Variants in BRWD3 observed in about 807,000 individuals in gnomAD.
The protein encoded by BRWD3 is bromodomain and WD repeat-containing protein 3.
Under a neutral mutation model 149.7 loss-of-function variants are expected in BRWD3, and 10 were observed. That is an observed-to-expected ratio of 0.07 (90% CI 0.04 to 0.11). The LOEUF (loss-of-function observed/expected upper bound fraction) is 0.11, where lower values mean the gene tolerates loss of function less well. BRWD3 is among the 10% of genes least tolerant of loss of function. The pLI, the probability that BRWD3 is intolerant of heterozygous loss-of-function variation, is 1.00. For missense variants in BRWD3, 940 were observed against 1,373.2 expected (o/e 0.68, Z 4.99); for synonymous variants, 504 against 456.7 (o/e 1.10, Z -1.32).
At chrX:80,806,992 G>C (rs2074354369) in intron 4 of BRWD3, among the ~76,000 whole-genome samples, 1 of 111,708 alleles carries the variant, frequency 9.0e-6, no homozygotes, top group Admixed American at 9.5e-5. Context: ...TTTGCCACTT[G>C]CTTAAAATAA....
At chrX:80,782,920 T>A (rs1256296174) in intron 6 of BRWD3, among the ~76,000 whole-genome samples, 1 of 106,218 alleles carries the variant, frequency 9.4e-6, no homozygotes, top group East Asian at 2.9e-4. Context: ...TAAATAAAAA[T>A]AACCAGAATG....
Position 80,712,799 on chromosome X carries a change from C to T in BRWD3, c.2326-3222G>A, listed in dbSNP as rs1426857523. 2.1e-3 allele frequency among the ~76,000 whole-genome samples: 223 copies of T among 108,203 alleles called. 3 individuals carry two copies. Among genetic ancestry groups the T allele is most frequent in the African/African-American group, 6.7e-3 (197 of 29,576 alleles). The allele number at this position is 108,203 out of a possible 115,157, so 94.0% of individuals were successfully genotyped here. ...TGTGAGGAGCATCTCTGCCCGGCCGCGACCCCGTCTGGGAGGTGAGGAGCG... is the reference window on the plus strand; with the variant it reads ...TGTGAGGAGCATCTCTGCCCGGCCGTGACCCCGTCTGGGAGGTGAGGAGCG... On this transcript the variant is annotated intron_variant, in intron 20 of 40. Transcript: ENST00000373275.
At chrX:80,716,105 C>A in intron 20 of BRWD3, 52 bp downstream of exon 20, 1 of 1,017,197 alleles carries the variant, frequency 9.8e-7, no homozygotes, top group South Asian at 1.9e-5. Context: ...AGCCTATTAT[C>A]TACAAATATC....
chrX:80,722,387 A>C (rs937066010), intron 17 of BRWD3, among the ~76,000 whole-genome samples, 175 bp downstream of exon 17: 4 of 111,717 alleles, frequency 3.6e-5, no homozygotes, highest in Non-Finnish European at 7.5e-5. Context: ...AGGTGAGATA[A>C]ACGATGAAAA....
At chrX:80,728,716 T>C (rs932364038) in intron 14 of BRWD3, 36 bp downstream of exon 14, 8 of 1,130,756 alleles carry the variant, frequency 7.1e-6, no homozygotes, top group Admixed American at 2.4e-5. Context: ...ATGTGCTTTT[T>C]GACCATTTTA....
chrX:80,777,150 C>G lies in BRWD3; in HGVS notation c.430+14704G>C, dbSNP rs749678821. Among the ~76,000 whole-genome samples, 393 of 109,548 alleles carry G rather than the reference C, an allele frequency of 3.6e-3. 1 individual carries two copies. Among genetic ancestry groups the G allele is most frequent in the Non-Finnish European group, 5.3e-3 (281 of 52,674 alleles). On this transcript the variant is annotated intron_variant, in intron 6 of 40. Transcript: ENST00000373275. The stretch of plus-strand genomic sequence containing the variant: ...AAGAAAAGCACTCTTAAGACCCCCC[C>G]CCACGAAAAACCTCCTGAGCCTAAA...
At chrX:80,699,551 T>A (rs1416077248) in intron 25 of BRWD3, among the ~76,000 whole-genome samples, 1 of 111,776 alleles carries the variant, frequency 8.9e-6, no homozygotes. Flanking sequence ...AAAACAGCTA[T>A]TTTACAAAAC....
At chrX:80,728,588 G>A (rs960949137) in intron 14 of BRWD3, among the ~76,000 whole-genome samples, 164 bp downstream of exon 14, 10 of 111,480 alleles carry the variant, frequency 9.0e-5, no homozygotes, top group African/African-American at 3.2e-4. Flanking sequence ...TATAGCGCGT[G>A]TCATCCCTAT....
At chrX:80,698,572 G>T (rs994824151) in intron 25 of BRWD3, among the ~76,000 whole-genome samples, 1 of 110,321 alleles carries the variant, frequency 9.1e-6, no homozygotes, top group Admixed American at 9.7e-5. Context: ...AGCCAGGCGT[G>T]GTGGTGGGTG....
At chrX:80,750,859 C>T (rs1418907653) in intron 6 of BRWD3, among the ~76,000 whole-genome samples, 2 of 21,178 alleles carry the variant, frequency 9.4e-5, no homozygotes, top group Non-Finnish European at 3.9e-4. Context: ...GTGTTTTATA[C>T]ACACACACAC....
At chrX:80,762,727 A>G (rs2073816151) in intron 6 of BRWD3, among the ~76,000 whole-genome samples, 1 of 112,050 alleles carries the variant, frequency 8.9e-6, no homozygotes, top group African/African-American at 3.2e-5. Context: ...AAGGCAATAC[A>G]GTATTGAAAA....
Position 80,691,955 on chromosome X carries a change from C to T in BRWD3, c.3349G>A (p.Ala1117Thr). 8.3e-7 allele frequency: 1 copy of T among 1,207,050 alleles called. No homozygotes were observed. Among genetic ancestry groups the T allele is most frequent in the East Asian group, 3.0e-5 (1 of 33,715 alleles). The part of the protein sequence containing the change: ...EGTAFPDEVG[A>T]GVPVSQEELT... The stretch of plus-strand genomic sequence containing the variant: ...TCTTCCTGGGAGACAGGAACACCAG[C>T]ACCAACTTCATCTGGAAAGGCAGCT... Residue 1117 changes from alanine to threonine, a missense_variant, in exon 30 of 41, where the codon GCT (alanine) becomes ACT (threonine). Ala to Thr is a moderately conservative substitution (Grantham distance 58). This residue lies in a region of BRWD3 where 158 missense variants were observed against 284.0 expected (regional missense o/e 0.56). Transcript: ENST00000373275.
chrX:80,781,293 T>C (rs1186866679), intron 6 of BRWD3, among the ~76,000 whole-genome samples: 1 of 111,596 alleles, frequency 9.0e-6, no homozygotes, highest in African/African-American at 3.3e-5. Context: ...CCTCCCCGTG[T>C]GCTCTCAGGC....
At chrX:80,731,281 C>T (rs2073326062) in intron 12 of BRWD3, among the ~76,000 whole-genome samples, 1 of 111,249 alleles carries the variant, frequency 9.0e-6, no homozygotes, top group Admixed American at 9.6e-5. Flanking sequence ...TGGACATCTC[C>T]TCATGTGTTT....
chrX:80,736,151 G>A (rs1275165400), intron 8 of BRWD3, 63 bp from the exon 9 acceptor site: 3 of 687,559 alleles, frequency 4.4e-6, no homozygotes, highest in Non-Finnish European at 6.6e-6. Context: ...CATCAAACAC[G>A]GAGTATTTTC....
At position 80,735,333 on chromosome X, in the gene BRWD3, T is replaced by C. The variant is rs186798572; in HGVS notation, c.915-136A>G. ...CAAAAGGAACGTGGTCAATAAGTAC[T>C]ATTCTCATCAATTAGGTTAAAAATG... On this transcript the variant is annotated intron_variant, in intron 9 of 40. Coordinates refer to ENST00000373275, the MANE Select transcript of BRWD3 (RefSeq NM_153252.5). 4 of 500,931 alleles carry C rather than the reference T, an allele frequency of 8.0e-6. No homozygotes were observed. In the African/African-American group the frequency reaches 9.5e-5, roughly 12 times the overall value. 41.3% of individuals were successfully genotyped at this position (500,931 alleles called of 1,213,427 possible). A position where few individuals can be genotyped will look rare whatever the true frequency, so the allele number is the denominator to read the frequency against.
At chrX:80,688,175 C>A (rs757046649) in intron 33 of BRWD3, 50 bp from the exon 34 acceptor site, 1 of 972,775 alleles carries the variant, frequency 1.0e-6, no homozygotes, top group African/African-American at 1.9e-5. Context: ...CATTCAAAGT[C>A]ATATAAATTA....
chrX:80,677,123 T>C lies in BRWD3; in HGVS notation c.4895A>G (p.Asp1632Gly). ...ATGGTCTCCATCTACGTAATCTTGATCTGTTCTGGAAGTTGATTCAGAGTC... is the reference window on the plus strand; with the variant it reads ...ATGGTCTCCATCTACGTAATCTTGACCTGTTCTGGAAGTTGATTCAGAGTC... ...DSDSESTSRTDQDYVDGDHDY... is the reference protein window; with the variant it reads ...DSDSESTSRTGQDYVDGDHDY... Residue 1632 changes from aspartate to glycine, a missense_variant, in exon 41 of 41, where the codon GAT becomes GGT. Asp to Gly is a moderately conservative substitution (Grantham distance 94). Around this residue, in one of 6 missense-constraint regions of BRWD3, gnomAD observed 349 missense variants for 419.6 expected, o/e 0.83. Coordinates refer to ENST00000373275, the MANE Select transcript of BRWD3 (RefSeq NM_153252.5). 8.3e-7 allele frequency: 1 copy of C among 1,211,809 alleles called. No individual in the cohort carries two copies. Among genetic ancestry groups the C allele is most frequent in the Non-Finnish European group, 1.1e-6 (1 of 895,278 alleles).
At chrX:80,712,830 G>A (rs1330982265) in intron 20 of BRWD3, among the ~76,000 whole-genome samples, 2 of 105,056 alleles carry the variant, frequency 1.9e-5, no homozygotes, top group Non-Finnish European at 3.9e-5. Flanking sequence ...GAGCGTCTCT[G>A]CCCAGCCGCC....
Sources: gnomAD v4.1 joint callset for allele counts (sites outside exome capture counted in the v4.1 genomes callset) on GRCh38, gnomAD v4.1.1 for gene constraint, gnomAD v4.1.1 regional missense constraint, MANE v1.5 for transcripts, NCBI Gene and HGNC (gene_info 2026-07-23, HGNC 2026-07-21) for gene names.